SSH2: variants seen among roughly 807,000 people sequenced by gnomAD.
The protein encoded by SSH2 is slingshot protein phosphatase 2.
A neutral mutation model predicts 135.2 loss-of-function variants in SSH2; 37 were observed. The ratio of observed to expected loss-of-function variants is 0.27; its 90% CI spans 0.21 to 0.36. The LOEUF is 0.36. SSH2 is among the 10% of genes least tolerant of loss of function. The pLI is 1.00. For synonymous variants in SSH2, 628 were observed against 646.2 expected (o/e 0.97, Z 0.43); for missense variants, 1,408 against 1,765.3 (o/e 0.80, Z 3.63).
chr17:29,761,176 G>A, intron 3 of SSH2: 1 of 1,289,792 alleles, frequency 7.8e-7, no homozygotes. Flanking sequence ...TCTGCGAGAT[G>A]ACCGCGTTGG....
At chr17:29,743,908 T>A (rs1418074120) in intron 3 of SSH2, among the ~76,000 whole-genome samples, 2 of 27,094 alleles carry the variant, frequency 7.4e-5, no homozygotes, top group East Asian at 9.0e-4. Context: ...TCTTTTTTCC[T>A]TTTTTTTTTT....
chr17:29,848,162 G>A (rs2065480402), intron 2 of SSH2, among the ~76,000 whole-genome samples: 2 of 152,136 alleles, frequency 1.3e-5, no homozygotes, highest in South Asian at 4.1e-4. Context: ...ATACTCAGGG[G>A]GAAGTTCACT....
intron 1 of SSH2, among the ~76,000 whole-genome samples, chr17:29,902,101 T>G (rs2066568897): frequency 6.6e-6 from 1 of 152,154 alleles, no homozygotes; most frequent in African/African-American, 2.4e-5. Flanking sequence ...GCTCTCTTTT[T>G]TATAGCAGCT....
chr17:29,835,415 T>C (rs2042926039), intron 2 of SSH2, among the ~76,000 whole-genome samples: 3 of 152,220 alleles, frequency 2.0e-5, no homozygotes, highest in Admixed American at 2.0e-4. Context: ...TTGTTCACAT[T>C]GGTCCTTTCC....
intron 11 of SSH2, among the ~76,000 whole-genome samples, chr17:29,661,061 C>CAAAAAAAA (rs374216221): frequency 4.1e-5 from 2 of 48,352 alleles, no homozygotes; most frequent in African/African-American, 1.3e-4. Context: ...AATTCCATCT[C>CAAAAAAAA]AAAAAAAAAA....
intron 14 of SSH2, among the ~76,000 whole-genome samples, chr17:29,642,878 T>C (rs1172411867): frequency 1.3e-5 from 2 of 152,166 alleles, no homozygotes; most frequent in Admixed American, 6.5e-5. Context: ...ACTAAGTGAA[T>C]GCCCTCAAAC....
intron 11 of SSH2, among the ~76,000 whole-genome samples, chr17:29,657,113 T>C (rs368533850): frequency 6.6e-6 from 1 of 151,598 alleles, no homozygotes; most frequent in African/African-American, 2.4e-5. Flanking sequence ...ATTATAGGCA[T>C]GCATCACCAT....
intron 1 of SSH2, among the ~76,000 whole-genome samples, chr17:29,908,886 G>A (rs1249133665): frequency 2.0e-5 from 3 of 151,544 alleles, no homozygotes; most frequent in African/African-American, 7.3e-5. Flanking sequence ...AGACCATCCT[G>A]GCTAACACGG....
At chr17:29,663,493 T>C (rs2037138112) in intron 11 of SSH2, among the ~76,000 whole-genome samples, 1 of 152,230 alleles carries the variant, frequency 6.6e-6, no homozygotes, top group Non-Finnish European at 1.5e-5. Context: ...ATAAGATGTT[T>C]AGACAACCTG....
intron 4 of SSH2, among the ~76,000 whole-genome samples, chr17:29,702,094 T>C (rs891685278): frequency 6.6e-6 from 1 of 151,916 alleles, no homozygotes; most frequent in African/African-American, 2.4e-5. Flanking sequence ...GACTCACACC[T>C]ATAATCCTAG....
At chr17:29,905,902 C>G (rs2066645029) in intron 1 of SSH2, among the ~76,000 whole-genome samples, 1 of 152,162 alleles carries the variant, frequency 6.6e-6, no homozygotes, top group Non-Finnish European at 1.5e-5. Flanking sequence ...AGGAGCTACC[C>G]TCTCTGCTGA....
intron 2 of SSH2, among the ~76,000 whole-genome samples, chr17:29,801,828 T>C (rs1235900825): frequency 1.3e-5 from 2 of 152,214 alleles, no homozygotes; most frequent in Non-Finnish European, 2.9e-5. Flanking sequence ...ATGTGAATGC[T>C]TGAAGCTAAC....
At chr17:29,910,319 T>A (rs975523448) in intron 1 of SSH2, among the ~76,000 whole-genome samples, 2 of 62,834 alleles carry the variant, frequency 3.2e-5, no homozygotes, top group African/African-American at 1.1e-4. Flanking sequence ...CTGCCCATTG[T>A]AACCTATAAA....
intron 1 of SSH2, among the ~76,000 whole-genome samples, chr17:29,851,495 G>A (rs754800526): frequency 4.4e-4 from 67 of 152,094 alleles, no homozygotes; most frequent in Non-Finnish European, 7.9e-4. Flanking sequence ...TGGAGGCTGA[G>A]GCAGGAGAAT....
intron 2 of SSH2, among the ~76,000 whole-genome samples, chr17:29,798,584 C>T (rs1375477899): frequency 3.9e-5 from 6 of 151,974 alleles, no homozygotes; most frequent in Admixed American, 3.9e-4. Context: ...ATTACATAAC[C>T]TCATTGAGTG....
chr17:29,679,717 T>A (rs144585807), intron 6 of SSH2, among the ~76,000 whole-genome samples: 45 of 152,240 alleles, frequency 3.0e-4, no homozygotes, highest in African/African-American at 8.2e-4. Flanking sequence ...CTGTATAATC[T>A]TAGGCAAATT....
rs1048688258 is a variant in SSH2, at chr17:29,930,185, C to G, written c.-185G>C. 1.0e-5 allele frequency: 6 copies of G among 580,842 alleles called. No homozygotes were observed. Among genetic ancestry groups the G allele is most frequent in the African/African-American group, 1.9e-5 (1 of 52,094 alleles). The allele number at this position is 580,842 out of a possible 1,614,324, so 36.0% of individuals were successfully genotyped here. ...ACCAGACTGTCGCCGACTGACGCTC[C>G]GAACGGGCGGCGGGCGGGCGGTTCC... On this transcript the variant is annotated 5_prime_UTR_variant, in exon 1 of 16. Transcript: ENST00000540801.
At chr17:29,657,445 A>G (rs1444304860) in intron 11 of SSH2, among the ~76,000 whole-genome samples, 1 of 123,634 alleles carries the variant, frequency 8.1e-6, no homozygotes, top group South Asian at 2.5e-4. Flanking sequence ...AATTTTTTGT[A>G]TTTAGTAAAG....
chr17:29,926,776 T>C (rs1377744272), intron 1 of SSH2, among the ~76,000 whole-genome samples: 2 of 152,272 alleles, frequency 1.3e-5, no homozygotes, highest in East Asian at 3.9e-4. Flanking sequence ...GCCCTGTACT[T>C]TTCTGCCTCT....
Sources: gnomAD v4.1 joint callset for allele counts (sites outside exome capture counted in the v4.1 genomes callset) on GRCh38, gnomAD v4.1.1 for gene constraint, MANE v1.5 for transcripts, NCBI Gene and HGNC (gene_info 2026-07-23, HGNC 2026-07-21) for gene names.